Variants in MRPL30 observed in about 807,000 individuals in gnomAD.
MRPL30 encodes mitochondrial ribosomal protein L30, also known as large ribosomal subunit protein uL30m.
Under a neutral mutation model 17.2 loss-of-function variants are expected in MRPL30, and 10 were observed. The observed-to-expected ratio is 0.58, with a 90% confidence interval of 0.36 to 0.99. MRPL30 has a LOEUF of 0.99. Among genes scored for constraint, MRPL30 ranks in the 50% least tolerant of loss-of-function variants. The pLI, the probability that MRPL30 is intolerant of heterozygous loss-of-function variation, is 0.01. For missense variants in MRPL30, 170 were observed against 189.8 expected (o/e 0.90, Z 0.61); for synonymous variants, 61 against 62.1 (o/e 0.98, Z 0.08).
At position 99,194,835 on chromosome 2, in the gene MRPL30, A is replaced by T. The variant is rs1162037702; in HGVS notation, c.217A>T (p.Lys73Ter). 4.4e-6 allele frequency: 7 copies of T among 1,596,314 alleles called. No individual in the cohort carries two copies. In the Admixed American group the frequency reaches 1.3e-4, roughly 29 times the overall value. Residue 73 changes from lysine to a stop codon, truncating the protein, a stop_gained, in exon 4 of 6, where the codon AAA (lysine) becomes TAA (stop). Coordinates refer to ENST00000338148, the MANE Select transcript of MRPL30 (RefSeq NM_145212.4). LOFTEE classifies it high-confidence loss of function. ...TAAACTGCATATTGTTACCAGAATA[A>T]AAAGTACAAGAAGACGTCCATATTG... ...PHKLHIVTRI[K>*]STRRRPYWEK...
chr2:99,185,152 T>A (rs1196319104), intron 1 of MRPL30, among the ~76,000 whole-genome samples: 1 of 152,224 alleles, frequency 6.6e-6, no homozygotes, highest in Non-Finnish European at 1.5e-5. Flanking sequence ...GCATGCTCCT[T>A]ATAAGAATCT....
chr2:99,195,995 C>G lies in MRPL30; in HGVS notation c.*290C>G, dbSNP rs775650655. On this transcript the variant is annotated 3_prime_UTR_variant, in exon 6 of 6. Transcript: ENST00000338148. ...ACTCGGGAGGCTGAAGCAGGAGAATCACTTGAACCCGGGAGGCAGAGGTTG... is the reference window on the plus strand; with the variant it reads ...ACTCGGGAGGCTGAAGCAGGAGAATGACTTGAACCCGGGAGGCAGAGGTTG... 4 of 307,420 alleles carry G rather than the reference C, an allele frequency of 1.3e-5. No homozygotes were observed. The highest frequency in any genetic ancestry group is 1.8e-5 in the Non-Finnish European group (3 of 164,332). 19.0% of individuals were successfully genotyped at this position (307,420 alleles called of 1,614,324 possible). A position where few individuals can be genotyped will look rare whatever the true frequency, so the allele number is the denominator to read the frequency against.
In MRPL30 at chr2:99,195,597, A is replaced by G; in HGVS notation, c.378A>G (p.Gln126=). 1 of 1,607,592 alleles carries G rather than the reference A, an allele frequency of 6.2e-7. No homozygotes were observed. The highest frequency in any genetic ancestry group is 8.5e-7 in the Non-Finnish European group (1 of 1,178,558). Residue 126 remains glutamine, a synonymous_variant, in exon 6 of 6, where the codon CAA becomes CAG. Transcript: ENST00000338148. The part of the protein sequence containing the change: ...LIRIKPLKLP[Q]GLPAEENMSN... Reference sequence around the variant, plus strand: ...GAATCAAGCCCTTGAAGTTGCCACAAGGACTTCCAGCAGAGGAGAACATGT... The same window carrying G: ...GAATCAAGCCCTTGAAGTTGCCACAGGGACTTCCAGCAGAGGAGAACATGT...
At chr2:99,194,017 G>A (rs1389780600) in intron 3 of MRPL30, among the ~76,000 whole-genome samples, 2 of 139,032 alleles carry the variant, frequency 1.4e-5, no homozygotes, top group Admixed American at 7.8e-5. Flanking sequence ...CAGCCTGGGC[G>A]ATAGAGCAAG....
At chr2:99,187,535 T>G (rs13009147) in intron 2 of MRPL30, among the ~76,000 whole-genome samples, 90,732 of 151,790 alleles carry the variant, frequency 0.6, 27,876 homozygotes, top group East Asian at 0.88. Context: ...TTGAAAAATA[T>G]CCACACCCGG....
chr2:99,188,678 T>A (rs942509191), intron 3 of MRPL30, among the ~76,000 whole-genome samples: 2 of 152,208 alleles, frequency 1.3e-5, no homozygotes, highest in South Asian at 4.1e-4. Flanking sequence ...TTAGATAATA[T>A]TGACTAAGCC....
intron 2 of MRPL30, 25 bp from the exon 3 acceptor site, chr2:99,188,152 A>C (rs781499287): frequency 6.5e-7 from 1 of 1,532,806 alleles, no homozygotes; most frequent in Non-Finnish European, 8.8e-7. Context: ...ATTCTAAAAA[A>C]CAAATGATTT....
rs1471324772 is a variant in MRPL30, at chr2:99,195,121, T to C, written c.285T>C (p.His95=). 2.5e-6 allele frequency: 4 copies of C among 1,593,188 alleles called. No homozygotes were observed. In the Middle Eastern group the frequency reaches 5.0e-4, roughly 200 times the overall value. ...IIKMLGLEKA[H]TPQVHKNIPS... ...TTTGTTGTTGTTGTTCACAGGCACA[T>C]ACCCCTCAAGTTCACAAGAATATCC... The change falls in exon 5 of 6, where the codon CAT becomes CAC. Residue 95 remains histidine (H), a synonymous_variant. Coordinates refer to ENST00000338148, the MANE Select transcript of MRPL30 (RefSeq NM_145212.4).
At chr2:99,181,598 G>A (rs1319160567) in intron 1 of MRPL30, among the ~76,000 whole-genome samples, 20 of 110,212 alleles carry the variant, frequency 1.8e-4, no homozygotes, top group African/African-American at 5.6e-4. Context: ...TGGGTATTAA[G>A]GTTGCTTTTT....
In MRPL30 at chr2:99,194,595, A is replaced by T. The variant is rs138919961; in HGVS notation, c.133-156A>T. ...TCCATCTATCTGCATAATCAGATTG[A>T]TAGAAATGTTCAATCTGAGGTTGAG... On this transcript the variant is annotated intron_variant, in intron 3 of 5. Coordinates refer to ENST00000338148, the MANE Select transcript of MRPL30 (RefSeq NM_145212.4). Among the ~76,000 whole-genome samples, 136 of 152,314 alleles carry T rather than the reference A, an allele frequency of 8.9e-4. No homozygotes were observed. The Middle Eastern group carries it at 0.017, about 19-fold the overall frequency.
chr2:99,195,477 T>C (rs571762196), intron 5 of MRPL30, 96 bp from the exon 6 acceptor site: 8 of 1,369,872 alleles, frequency 5.8e-6, no homozygotes, highest in Non-Finnish European at 8.0e-6. Context: ...CCTAGCTATT[T>C]GAAACTATGT....
chr2:99,187,551 C>T (rs1194066083), intron 2 of MRPL30, among the ~76,000 whole-genome samples: 1 of 152,150 alleles, frequency 6.6e-6, no homozygotes, highest in East Asian at 1.9e-4. Context: ...CCCGGCTGGG[C>T]GCGGTGGCTC....
intron 2 of MRPL30, 127 bp from the exon 3 acceptor site, chr2:99,188,050 G>A: frequency 3.2e-6 from 2 of 628,140 alleles, no homozygotes; most frequent in Non-Finnish European, 5.5e-6. Context: ...CTCAGCTAGG[G>A]AGCTAAGATA....
At position 99,196,267 on chromosome 2, in the gene MRPL30, G is replaced by T. The variant is rs1303846634; in HGVS notation, c.*562G>T. 3 of 153,478 alleles carry T rather than the reference G, an allele frequency of 2.0e-5. No homozygotes were observed. Among genetic ancestry groups the T allele is most frequent in the African/African-American group, 7.2e-5 (3 of 41,388 alleles). The allele number at this position is 153,478 out of a possible 1,614,324, so 9.5% of individuals were successfully genotyped here. On this transcript the variant is annotated 3_prime_UTR_variant, in exon 6 of 6. Transcript: ENST00000338148. ...TTTGGGTCTACTGCCACCTTAGCAAGCCTCATTAACCATTTTATAAAAATT... is the reference window on the plus strand; with the variant it reads ...TTTGGGTCTACTGCCACCTTAGCAATCCTCATTAACCATTTTATAAAAATT...
intron 2 of MRPL30, chr2:99,187,020 T>C (rs771071762): frequency 2.6e-5 from 4 of 152,286 alleles, no homozygotes; most frequent in Non-Finnish European, 5.9e-5. Flanking sequence ...GACAACAATG[T>C]AAGGGGCTTT....
intron 3 of MRPL30, among the ~76,000 whole-genome samples, chr2:99,193,976 T>C (rs2093951111): frequency 6.8e-6 from 1 of 147,850 alleles, no homozygotes; most frequent in Non-Finnish European, 1.5e-5. Context: ...GGGCAGAGGT[T>C]GCAGTGAGCC....
rs2093958546 is a variant in MRPL30 at position 99,198,438 on chromosome 2, A to T, written c.*2733A>T. On this transcript the variant is annotated 3_prime_UTR_variant, in exon 6 of 6. Coordinates refer to ENST00000338148, the MANE Select transcript of MRPL30 (RefSeq NM_145212.4). ...CTTCCAAAACCAGCATTGGAGACAG[A>T]CTAGCAAGATGGGCACTACACTCTT... Among the ~76,000 whole-genome samples, 1 of 152,228 alleles carries T rather than the reference A, an allele frequency of 6.6e-6. No individual in the cohort carries two copies. The highest frequency in any genetic ancestry group is 6.6e-5 in the Admixed American group (1 of 15,258).
chr2:99,192,332 T>C (rs7558004), intron 3 of MRPL30, among the ~76,000 whole-genome samples: 92,786 of 151,972 alleles, frequency 0.61, 28,920 homozygotes, highest in East Asian at 0.88. Context: ...CATAGGTATA[T>C]ATGTGCCATG....
intron 5 of MRPL30, 111 bp from the exon 6 acceptor site, chr2:99,195,462 C>A: frequency 8.0e-7 from 1 of 1,250,766 alleles, no homozygotes; most frequent in Non-Finnish European, 1.1e-6. Flanking sequence ...ATTCAACATC[C>A]TCCTCCTAGC....
Sources: gnomAD v4.1 joint callset for allele counts (sites outside exome capture counted in the v4.1 genomes callset) on GRCh38, gnomAD v4.1.1 for gene constraint, MANE v1.5 for transcripts, NCBI Gene and HGNC (gene_info 2026-07-23, HGNC 2026-07-21) for gene names.